Variants in FAM151B observed in about 807,000 individuals in gnomAD.
FAM151B encodes protein FAM151B.
A neutral mutation model predicts 31.2 loss-of-function variants in FAM151B; 24 were observed. The ratio of observed to expected loss-of-function variants is 0.77; its 90% CI spans 0.56 to 1.08. The LOEUF (loss-of-function observed/expected upper bound fraction) is 1.08, where lower values mean the gene tolerates loss of function less well. Among genes scored for constraint, FAM151B ranks in the 50% least tolerant of loss-of-function variants. FAM151B has a pLI of 0.00. For missense variants in FAM151B, 293 were observed against 328.6 expected, an observed-to-expected ratio of 0.89 and a Z score of 0.84; for synonymous variants, 105 against 111.4, an observed-to-expected ratio of 0.94 and a Z score of 0.36.
In FAM151B at chr5:80,522,203, A is replaced by C. The variant is rs1352167083; in HGVS notation, c.671+65A>C. ...GAGAGACAGAGATAGAAAGGGCATG[A>C]AAATTGATTATTTAAAGACAGTGTG... On this transcript the variant is annotated intron_variant, in intron 5 of 5. Coordinates refer to ENST00000282226, the MANE Select transcript of FAM151B (RefSeq NM_205548.3). 4 of 1,490,614 alleles carry C rather than the reference A, an allele frequency of 2.7e-6. No individual in the cohort carries two copies. The Admixed American group carries it at 5.2e-5, about 19-fold the overall frequency. 92.3% of individuals were successfully genotyped at this position (1,490,614 alleles called of 1,614,324 possible). A position where few individuals can be genotyped will look rare whatever the true frequency, so the allele number is the denominator to read the frequency against.
chr5:80,538,385 T>TTTCC (rs1491227366), intron 5 of FAM151B, among the ~76,000 whole-genome samples: 2 of 44,500 alleles, frequency 4.5e-5, no homozygotes, highest in East Asian at 1.5e-3. Context: ...TCTTTCTTTC[T>TTTCC]TTCTTTCTTT....
At chr5:80,492,519 A>G (rs1227040083) in intron 1 of FAM151B, among the ~76,000 whole-genome samples, 1 of 152,160 alleles carries the variant, frequency 6.6e-6, no homozygotes, top group Non-Finnish European at 1.5e-5. Context: ...CCAGCCAGCC[A>G]TACTCCTGTC....
chr5:80,495,248 A>G (rs1287154077), intron 1 of FAM151B: 1 of 152,224 alleles, frequency 6.6e-6, no homozygotes, highest in East Asian at 1.9e-4. Context: ...GTTTTCCTGC[A>G]TGCTTGCATC....
At chr5:80,494,502 TTCTTTC>T in intron 1 of FAM151B, among the ~76,000 whole-genome samples, 1 of 148,700 alleles carries the variant, frequency 6.7e-6, no homozygotes, top group Admixed American at 6.7e-5. Context: ...CTTTCTTTCT[TTCTTTC>T]TTTCTTTCTT....
Position 80,513,623 on chromosome 5 carries a change from G to C in FAM151B, c.171G>C (p.Glu57Asp). The change falls in exon 3 of 6, where the codon GAG becomes GAC. Residue 57 changes from glutamate (E) to aspartate (D), a missense_variant. Physicochemically the swap from Glu to Asp is conservative, Grantham distance 45 (BLOSUM62 2). Coordinates refer to ENST00000282226, the MANE Select transcript of FAM151B (RefSeq NM_205548.3). ...GGACAGGTACTGCTCACATGATAGA[G>C]GCTGATGTCCTTCTTCCAAGTGATG... ...EALKSTAHMI[E>D]ADVLLPSDGS... 1 of 1,613,356 alleles carries C rather than the reference G, an allele frequency of 6.2e-7. No individual in the cohort carries two copies. Among genetic ancestry groups the C allele is most frequent in the Non-Finnish European group, 8.5e-7 (1 of 1,179,874 alleles).
At chr5:80,525,699 G>A (rs1044188245) in intron 5 of FAM151B, among the ~76,000 whole-genome samples, 8 of 151,848 alleles carry the variant, frequency 5.3e-5, no homozygotes, top group Admixed American at 2.6e-4. Context: ...TCACATTCCC[G>A]TTCCAGCCCA....
In FAM151B at chr5:80,532,455, A is replaced by G. The variant is rs1353016693; in HGVS notation, c.672-9218A>G. ...GGAGTCAGTTCAGCAAGAGGATATA[A>G]CAATTGTAAATATATATAAACCCAA... On this transcript the variant is annotated intron_variant, in intron 5 of 5. Transcript: ENST00000282226. Among the ~76,000 whole-genome samples the G allele has an allele frequency of 2.0e-5, 3 of 152,372 alleles. No homozygotes were observed. In the East Asian group the frequency reaches 5.8e-4, roughly 29 times the overall value.
chr5:80,534,464 A>G (rs1745400822), intron 5 of FAM151B, among the ~76,000 whole-genome samples: 1 of 152,228 alleles, frequency 6.6e-6, no homozygotes, highest in African/African-American at 2.4e-5. Context: ...ATGTAAATCA[A>G]TCACTGTGAT....
intron 3 of FAM151B, among the ~76,000 whole-genome samples, chr5:80,516,033 A>G (rs1230254423): frequency 1.3e-5 from 2 of 150,814 alleles, no homozygotes; most frequent in Admixed American, 6.7e-5. Flanking sequence ...AATAAAAAGT[A>G]TTATATTTTG....
At chr5:80,528,942 CA>C (rs571347810) in intron 5 of FAM151B, among the ~76,000 whole-genome samples, 48 of 152,254 alleles carry the variant, frequency 3.2e-4, no homozygotes, top group African/African-American at 1.1e-3. Flanking sequence ...ACATTCTTCT[CA>C]GCACCACATC....
intron 5 of FAM151B, among the ~76,000 whole-genome samples, chr5:80,538,503 C>T (rs1406619538): frequency 1.9e-5 from 2 of 106,486 alleles, no homozygotes; most frequent in Non-Finnish European, 3.7e-5. Flanking sequence ...TCCTTCCTTT[C>T]TTTTCTTTCT....
intron 1 of FAM151B, among the ~76,000 whole-genome samples, chr5:80,491,501 T>C (rs1327641467): frequency 6.6e-6 from 1 of 152,152 alleles, no homozygotes; most frequent in African/African-American, 2.4e-5. Context: ...GGAGTTACAG[T>C]TGTGAGCCAG....
chr5:80,531,387 A>G (rs374101895), intron 5 of FAM151B, among the ~76,000 whole-genome samples: 275 of 152,318 alleles, frequency 1.8e-3, no homozygotes, highest in African/African-American at 6.0e-3. Context: ...TTGACAAATG[A>G]GATCTAATTA....
chr5:80,513,596 T>C lies in FAM151B; in HGVS notation c.152-8T>C, dbSNP rs1744283172. The C allele has an allele frequency of 1.2e-6, 2 of 1,603,178 alleles. No individual in the cohort carries two copies. Among genetic ancestry groups the C allele is most frequent in the African/African-American group, 1.3e-5 (1 of 74,438 alleles). Reference sequence around the variant, plus strand: ...TTAGCATTAACTGAAGTTCTTTTATTTGGACAGGTACTGCTCACATGATAG... The same window carrying C: ...TTAGCATTAACTGAAGTTCTTTTATCTGGACAGGTACTGCTCACATGATAG... On this transcript the variant is annotated splice_region_variant and splice_polypyrimidine_tract_variant and intron_variant, in intron 2 of 5. Transcript: ENST00000282226.
At position 80,509,934 on chromosome 5, in the gene FAM151B, C is replaced by T. The variant is rs376093557; in HGVS notation, c.152-3670C>T. 2.7e-3 allele frequency among the ~76,000 whole-genome samples: 406 copies of T among 152,252 alleles called. 2 individuals carry two copies. Among genetic ancestry groups the T allele is most frequent in the Middle Eastern group, 6.8e-3 (2 of 294 alleles). ...AAAACAATAAAATGAGCTTATTGTT[C>T]TCAAGCTTCCAGTAAGAATTTCTGC... is the stretch of plus-strand genomic sequence containing the variant. On this transcript the variant is annotated intron_variant, in intron 2 of 5. Transcript: ENST00000282226.
chr5:80,514,030 A>G (rs1404492581), intron 3 of FAM151B, among the ~76,000 whole-genome samples: 2 of 152,240 alleles, frequency 1.3e-5, no homozygotes, highest in Admixed American at 1.3e-4. Context: ...TAAATTAAAA[A>G]TGCTACATAT....
chr5:80,528,265 C>T (rs1745060462), intron 5 of FAM151B, among the ~76,000 whole-genome samples: 1 of 151,836 alleles, frequency 6.6e-6, no homozygotes, highest in South Asian at 2.1e-4. Flanking sequence ...GAGAAAATCA[C>T]CTTCACTAAA....
chr5:80,537,441 C>T (rs1490561113), intron 5 of FAM151B, among the ~76,000 whole-genome samples: 5 of 152,160 alleles, frequency 3.3e-5, no homozygotes, highest in Admixed American at 3.3e-4. Context: ...TTCTTCAATG[C>T]GTCTATTCTC....
chr5:80,521,138 T>A (rs1361112014), intron 4 of FAM151B, among the ~76,000 whole-genome samples: 1 of 141,096 alleles, frequency 7.1e-6, no homozygotes, highest in Non-Finnish European at 1.5e-5. Flanking sequence ...TTTTTTTTTT[T>A]TTTAAAAAAC....
Sources: allele counts gnomAD v4.1 joint callset (sites outside exome capture counted in the v4.1 genomes callset), GRCh38; gene constraint gnomAD v4.1.1; transcripts MANE v1.5; gene names NCBI Gene and HGNC (gene_info 2026-07-23, HGNC 2026-07-21).